Variants in DYSF observed in about 807,000 individuals in gnomAD.
The protein encoded by DYSF is dystrophy-associated fer-1-like 1.
A neutral mutation model predicts 274.9 loss-of-function variants in DYSF; 212 were observed. The observed-to-expected ratio is 0.77, with a 90% confidence interval of 0.69 to 0.86. The LOEUF is 0.86. Ranked by LOEUF, DYSF falls within the 40% of genes least tolerant of loss-of-function variation. The pLI is 0.00. For synonymous variants in DYSF, 1,091 were observed against 1,078.7 expected, an observed-to-expected ratio of 1.01 and a Z score of -0.22; for missense variants, 2,666 against 2,783.2, an observed-to-expected ratio of 0.96 and a Z score of 0.95.
rs111422424 is a variant in DYSF, at chr2:71,670,028, C to T, written c.5784+282C>T. On this transcript the variant is annotated intron_variant, in intron 51 of 55. Transcript: ENST00000410020. Reference sequence around the variant, plus strand: ...CTACTGGTGTTATCACAACTGTTGCCTCCTCACTGCCAAATGTCACCACCA... The same window carrying T: ...CTACTGGTGTTATCACAACTGTTGCTTCCTCACTGCCAAATGTCACCACCA... Among the ~76,000 whole-genome samples, 1,256 of 152,254 alleles carry T rather than the reference C, an allele frequency of 8.2e-3. 27 individuals are homozygous for T. Among genetic ancestry groups the T allele is most frequent in the African/African-American group, 0.029 (1,198 of 41,538 alleles).
rs139841173 is a variant in DYSF at position 71,622,530 on chromosome 2, A to C, written c.4527+1921A>C. ...TCATTCTAATGAGACTGCCTCTACCAGATTTCCATTAATTGGGATGATGAT... is the reference window on the plus strand; with the variant it reads ...TCATTCTAATGAGACTGCCTCTACCCGATTTCCATTAATTGGGATGATGAT... On this transcript the variant is annotated intron_variant, in intron 41 of 55. Transcript: ENST00000410020. Among the ~76,000 whole-genome samples the C allele has an allele frequency of 5.9e-3, 893 of 152,336 alleles. 3 individuals are homozygous for C. The highest frequency in any genetic ancestry group is 0.011 in the Admixed American group (163 of 15,296).
chr2:71,598,554 G>A lies in DYSF; in HGVS notation c.3575-10G>A, dbSNP rs1293988031. 6.2e-7 allele frequency: 1 copy of A among 1,614,118 alleles called. No homozygotes were observed. The highest frequency in any genetic ancestry group is 1.7e-5 in the Admixed American group (1 of 60,024). Reference sequence around the variant, plus strand: ...GTCCTGTCTCCCCTCCCCCTCTCCGGCCCATGCAGATCCCTATGCCATCGT... The same window carrying A: ...GTCCTGTCTCCCCTCCCCCTCTCCGACCCATGCAGATCCCTATGCCATCGT... On this transcript the variant is annotated splice_polypyrimidine_tract_variant and intron_variant, in intron 32 of 55. Coordinates refer to ENST00000410020, the MANE Select transcript of DYSF (RefSeq NM_001130987.2).
chr2:71,513,600 G>A, intron 6 of DYSF, 116 bp from the exon 7 acceptor site: 2 of 1,058,872 alleles, frequency 1.9e-6, no homozygotes, highest in Non-Finnish European at 2.8e-6. Flanking sequence ...AGGAAGAGGG[G>A]ATGAGTCTTA....
At position 71,532,889 on chromosome 2, in the gene DYSF, T is replaced by G. The variant is rs138619815; in HGVS notation, c.1381-2132T>G. On this transcript the variant is annotated intron_variant, in intron 14 of 55. Transcript: ENST00000410020. ...CTATCTATCTATCTATCATGAAAAA[T>G]CTCCCTCTTGCTCTGTACCCCATCC... Among the ~76,000 whole-genome samples the G allele has an allele frequency of 9.6e-3, 1,440 of 149,988 alleles. 25 individuals are homozygous for G. Among genetic ancestry groups the G allele is most frequent in the African/African-American group, 0.034 (1,369 of 40,678 alleles).
intron 3 of DYSF, among the ~76,000 whole-genome samples, chr2:71,485,689 A>C (rs1198117297): frequency 6.6e-6 from 1 of 152,268 alleles, no homozygotes; most frequent in Non-Finnish European, 1.5e-5. Flanking sequence ...ACCAAAGACA[A>C]GCAGCAATAC....
At chr2:71,521,731 G>T (rs1451326464) in intron 12 of DYSF, among the ~76,000 whole-genome samples, 1 of 152,108 alleles carries the variant, frequency 6.6e-6, no homozygotes, top group African/African-American at 2.4e-5. Context: ...TGGACGTGCT[G>T]CTTGGATGAA....
chr2:71,650,889 A>C (rs1276139798), intron 42 of DYSF, among the ~76,000 whole-genome samples: 1 of 152,206 alleles, frequency 6.6e-6, no homozygotes, highest in Admixed American at 6.5e-5. Flanking sequence ...TTCAGAGGGA[A>C]TTTGTGGCCT....
chr2:71,669,579 T>A, intron 50 of DYSF, 26 bp from the exon 51 acceptor site: 1 of 1,614,186 alleles, frequency 6.2e-7, no homozygotes, highest in Non-Finnish European at 8.5e-7. Flanking sequence ...TAATGAGAAC[T>A]ATTCTCTAAA....
At chr2:71,486,592 G>A (rs1344103038) in intron 3 of DYSF, among the ~76,000 whole-genome samples, 1 of 152,128 alleles carries the variant, frequency 6.6e-6, no homozygotes, top group African/African-American at 2.4e-5. Flanking sequence ...CCCAGAGTGG[G>A]ATCTGGGGAA....
chr2:71,638,357 A>G (rs2094437417), intron 41 of DYSF, among the ~76,000 whole-genome samples: 1 of 72,024 alleles, frequency 1.4e-5, no homozygotes, highest in Non-Finnish European at 3.3e-5. Flanking sequence ...TATCCTCATC[A>G]CTGCAAAAAA....
chr2:71,558,763 A>C (rs2091510860), intron 22 of DYSF, among the ~76,000 whole-genome samples: 1 of 152,156 alleles, frequency 6.6e-6, no homozygotes, highest in African/African-American at 2.4e-5. Context: ...GTTCCAGCTC[A>C]GGAGCTTGGG....
At chr2:71,556,602 A>G (rs1470041118) in intron 22 of DYSF, among the ~76,000 whole-genome samples, 3 of 152,168 alleles carry the variant, frequency 2.0e-5, no homozygotes, top group Non-Finnish European at 1.5e-5. Context: ...CTCAACTTCA[A>G]CCTGGCATGA....
intron 55 of DYSF, among the ~76,000 whole-genome samples, chr2:71,683,185 T>C (rs944854542): frequency 6.6e-6 from 1 of 152,166 alleles, no homozygotes; most frequent in Non-Finnish European, 1.5e-5. Context: ...TCCTGCCTCC[T>C]GCAGCAGGTG....
At chr2:71,468,720 C>A (rs1431505030) in intron 1 of DYSF, among the ~76,000 whole-genome samples, 1 of 152,306 alleles carries the variant, frequency 6.6e-6, no homozygotes, top group East Asian at 1.9e-4. Flanking sequence ...ACCCTGGATC[C>A]CCCTGGCTCT....
intron 41 of DYSF, among the ~76,000 whole-genome samples, chr2:71,630,325 C>G (rs2094292410): frequency 1.3e-5 from 2 of 152,184 alleles, no homozygotes; most frequent in Non-Finnish European, 2.9e-5. Flanking sequence ...AGTTTATTTC[C>G]TATGTTTGTT....
At chr2:71,592,254 G>C (rs1269565490) in intron 32 of DYSF, among the ~76,000 whole-genome samples, 1 of 152,178 alleles carries the variant, frequency 6.6e-6, no homozygotes, top group Non-Finnish European at 1.5e-5. Flanking sequence ...GGGAGCCTAT[G>C]CTCCCCTCTG....
intron 3 of DYSF, 102 bp downstream of exon 3, chr2:71,482,072 A>G (rs553720354): frequency 5.5e-6 from 5 of 907,494 alleles, no homozygotes; most frequent in African/African-American, 4.9e-5. Context: ...TGGGGTTTCA[A>G]TTAGCATTTA....
intron 42 of DYSF, among the ~76,000 whole-genome samples, chr2:71,653,486 A>G (rs1166229367): frequency 1.3e-5 from 2 of 152,086 alleles, no homozygotes; most frequent in Non-Finnish European, 2.9e-5. Flanking sequence ...AGCCATAAAG[A>G]ATGATGAGTT....
chr2:71,616,488 G>T (rs533009405), intron 40 of DYSF, among the ~76,000 whole-genome samples: 4 of 151,942 alleles, frequency 2.6e-5, no homozygotes, highest in South Asian at 2.1e-4. Flanking sequence ...ATGACAGGTG[G>T]GGGTGGTAGG....
Sources: allele counts gnomAD v4.1 joint callset (sites outside exome capture counted in the v4.1 genomes callset), GRCh38; gene constraint gnomAD v4.1.1; transcripts MANE v1.5; gene names NCBI Gene and HGNC (gene_info 2026-07-23, HGNC 2026-07-21).